Variants in GALNTL6 observed in about 807,000 individuals in gnomAD.
The protein encoded by GALNTL6 is polypeptide N-acetylgalactosaminyltransferase-like 6.
GALNTL6 carries 46 observed loss-of-function variants against 73.7 expected under a neutral mutation model. The observed-to-expected ratio is 0.62, with a 90% CI of 0.49 to 0.80. GALNTL6 has a LOEUF of 0.80. GALNTL6 is among the 30% of genes least tolerant of loss of function. GALNTL6 has a pLI of 0.00. For missense variants in GALNTL6, 604 were observed against 755.0 expected (o/e 0.80, Z 2.34); for synonymous variants, 259 against 263.7 (o/e 0.98, Z 0.17).
At chr4:172,946,992 G>GT (rs1404655466) in intron 9 of GALNTL6, among the ~76,000 whole-genome samples, 5 of 152,232 alleles carry the variant, frequency 3.3e-5, no homozygotes, top group East Asian at 3.9e-4. Flanking sequence ...CAAAAGAGAC[G>GT]TAAGAGAGAG....
chr4:172,942,659 G>A (rs1023130452), intron 9 of GALNTL6, among the ~76,000 whole-genome samples: 1 of 152,044 alleles, frequency 6.6e-6, no homozygotes, highest in Non-Finnish European at 1.5e-5. Context: ...ATGCTGCACC[G>A]CCCCGGATTT....
intron 4 of GALNTL6, among the ~76,000 whole-genome samples, chr4:172,337,818 C>G (rs1269033872): frequency 6.6e-6 from 1 of 150,692 alleles, no homozygotes. Flanking sequence ...ACCTATTTCT[C>G]TAGCAAAATT....
intron 2 of GALNTL6, among the ~76,000 whole-genome samples, chr4:171,852,877 T>C (rs1236103126): frequency 6.6e-6 from 1 of 152,010 alleles, no homozygotes; most frequent in Non-Finnish European, 1.5e-5. Context: ...GATGGAGTCT[T>C]GCTCTGTCGC....
At chr4:172,954,684 T>A (rs894149524) in intron 10 of GALNTL6, among the ~76,000 whole-genome samples, 9 of 152,134 alleles carry the variant, frequency 5.9e-5, no homozygotes, top group African/African-American at 2.2e-4. Context: ...CCCATGCTGA[T>A]CTTGAACTCC....
intron 8 of GALNTL6, among the ~76,000 whole-genome samples, chr4:172,892,259 T>G (rs1746072310): frequency 6.6e-6 from 1 of 152,246 alleles, no homozygotes; most frequent in African/African-American, 2.4e-5. Context: ...ATGAGGAGGC[T>G]GGCAATTCTT....
intron 4 of GALNTL6, among the ~76,000 whole-genome samples, chr4:172,317,973 G>A (rs1740621923): frequency 6.6e-6 from 1 of 152,122 alleles, no homozygotes; most frequent in South Asian, 2.1e-4. Flanking sequence ...GATGGGAAAT[G>A]TATCCTTTAA....
At chr4:172,289,010 C>A (rs1739367240) in intron 3 of GALNTL6, among the ~76,000 whole-genome samples, 1 of 151,984 alleles carries the variant, frequency 6.6e-6, no homozygotes, top group Admixed American at 6.6e-5. Flanking sequence ...GTGGCTACAG[C>A]TATCCTATAG....
intron 2 of GALNTL6, among the ~76,000 whole-genome samples, chr4:171,899,536 T>C (rs1350518987): frequency 6.6e-6 from 1 of 152,290 alleles, no homozygotes; most frequent in East Asian, 1.9e-4. Context: ...TTAAAATAGA[T>C]GGCAAAATTT....
chr4:171,985,803 G>T (rs1740055379), intron 2 of GALNTL6, among the ~76,000 whole-genome samples: 1 of 151,450 alleles, frequency 6.6e-6, no homozygotes, highest in African/African-American at 2.4e-5. Context: ...CTGTTGGGAG[G>T]CCGAGGTGGG....
At chr4:171,998,307 T>C (rs75214171) in intron 2 of GALNTL6, among the ~76,000 whole-genome samples, 3,411 of 152,242 alleles carry the variant, frequency 0.022, 71 homozygotes, top group East Asian at 0.054. Flanking sequence ...CATGTGACTG[T>C]GGAGGTCTAA....
intron 2 of GALNTL6, among the ~76,000 whole-genome samples, chr4:171,940,674 A>G (rs956416611): frequency 6.6e-6 from 1 of 151,834 alleles, no homozygotes; most frequent in Non-Finnish European, 1.5e-5. Flanking sequence ...AACTACAAAA[A>G]TTAGCTGGGC....
chr4:172,829,155 T>G (rs913597913), intron 7 of GALNTL6, among the ~76,000 whole-genome samples: 1 of 152,192 alleles, frequency 6.6e-6, no homozygotes, highest in Admixed American at 6.5e-5. Context: ...GACAAAGGCA[T>G]GCAAGATATT....
intron 2 of GALNTL6, among the ~76,000 whole-genome samples, chr4:172,189,365 CTG>C (rs1735504556): frequency 6.6e-6 from 1 of 152,156 alleles, no homozygotes; most frequent in Non-Finnish European, 1.5e-5. Context: ...CTAAAAAACA[CTG>C]TGAATCTATA....
At chr4:172,455,625 G>A (rs1037329738) in intron 5 of GALNTL6, among the ~76,000 whole-genome samples, 33 of 152,184 alleles carry the variant, frequency 2.2e-4, no homozygotes, top group African/African-American at 7.2e-4. Flanking sequence ...ACCGCGTCTC[G>A]GCAAAACCAC....
chr4:172,001,697 G>T (rs1344299795), intron 2 of GALNTL6, among the ~76,000 whole-genome samples: 1 of 152,062 alleles, frequency 6.6e-6, no homozygotes, highest in Non-Finnish European at 1.5e-5. Context: ...CTCTATGCAA[G>T]CACTATATAT....
intron 5 of GALNTL6, among the ~76,000 whole-genome samples, chr4:172,360,741 T>C (rs776673495): frequency 5.3e-5 from 8 of 152,164 alleles, no homozygotes; most frequent in Non-Finnish European, 1.0e-4. Flanking sequence ...CCACAACTGT[T>C]TGTGATTGTA....
chr4:172,503,752 A>G (rs1734348820), intron 5 of GALNTL6, among the ~76,000 whole-genome samples: 3 of 152,228 alleles, frequency 2.0e-5, no homozygotes, highest in East Asian at 3.9e-4. Context: ...TCTAAACAGA[A>G]AACATCAGCA....
chr4:172,020,825 G>A (rs1741374219), intron 2 of GALNTL6, among the ~76,000 whole-genome samples: 1 of 151,864 alleles, frequency 6.6e-6, no homozygotes, highest in Admixed American at 6.6e-5. Context: ...GTATTACCCT[G>A]ATACTTACAC....
chr4:172,155,398 C>T (rs1734224029), intron 2 of GALNTL6, among the ~76,000 whole-genome samples: 1 of 152,178 alleles, frequency 6.6e-6, no homozygotes, highest in Non-Finnish European at 1.5e-5. Flanking sequence ...AAGAAGCCCT[C>T]ACCAGACATC....
Sources: allele counts gnomAD v4.1 joint callset (sites outside exome capture counted in the v4.1 genomes callset), GRCh38; gene constraint gnomAD v4.1.1; transcripts MANE v1.5; gene names NCBI Gene and HGNC (gene_info 2026-07-23, HGNC 2026-07-21).